Variants in KIF1A observed in about 807,000 individuals in gnomAD.
KIF1A encodes kinesin-like protein KIF1A.
A neutral mutation model predicts 227.3 loss-of-function variants in KIF1A; 46 were observed. The observed-to-expected ratio is 0.20, with a 90% CI of 0.16 to 0.26. The LOEUF is 0.26. Ranked by LOEUF, KIF1A falls within the 10% of genes least tolerant of loss-of-function variation. The probability of loss-of-function intolerance (pLI) is 1.00; values close to 1 mark genes in which losing one functional copy is unlikely to be tolerated. For synonymous variants in KIF1A, 1,022 were observed against 1,012.8 expected, an observed-to-expected ratio of 1.01 and a Z score of -0.17; for missense variants, 1,683 against 2,485.9, an observed-to-expected ratio of 0.68 and a Z score of 6.87.
rs201423643 is a variant in KIF1A, at chr2:240,737,128, G to A, written c.3942C>T (p.Ile1314=). The A allele has an allele frequency of 1.8e-5, 29 of 1,613,742 alleles. No individual in the cohort carries two copies. Among genetic ancestry groups the A allele is most frequent in the Middle Eastern group, 1.7e-4 (1 of 6,056 alleles). The change falls in exon 38 of 49, where the codon ATC becomes ATT. Residue 1314 remains isoleucine, a synonymous_variant. Coordinates refer to ENST00000498729, the MANE Select transcript of KIF1A (RefSeq NM_001244008.2). Reference sequence around the variant, plus strand: ...TGTTGAGAGACAAGATGTTGGGGTCGATCAGGGACTCGTCGGTCTCTGGAG... The same window carrying A: ...TGTTGAGAGACAAGATGTTGGGGTCAATCAGGGACTCGTCGGTCTCTGGAG... ...RNTPETDESL[I]DPNILSLNIL... is the part of the protein sequence containing the mutation.
chr2:240,741,655 G>T (rs1003462823), intron 34 of KIF1A, among the ~76,000 whole-genome samples: 1 of 152,230 alleles, frequency 6.6e-6, no homozygotes. Flanking sequence ...CTCATGAGGA[G>T]GACAGTGGTC....
At chr2:240,745,032 C>A (rs372410148) in intron 32 of KIF1A, among the ~76,000 whole-genome samples, 1 of 152,156 alleles carries the variant, frequency 6.6e-6, no homozygotes, top group African/African-American at 2.4e-5. Flanking sequence ...TTTTCCAGAC[C>A]TCTCGGGACG....
chr2:240,782,120 A>G, intron 10 of KIF1A: 1 of 985,290 alleles, frequency 1.0e-6, no homozygotes, highest in Non-Finnish European at 1.2e-6. Flanking sequence ...GCGTCGCCCC[A>G]GGCAGCTTCA....
intron 1 of KIF1A, among the ~76,000 whole-genome samples, chr2:240,815,700 G>A (rs1416915755): frequency 1.3e-5 from 2 of 152,186 alleles, no homozygotes; most frequent in Admixed American, 1.3e-4. Context: ...GGAGAAGTGG[G>A]GGGTAATGGG....
chr2:240,817,362 G>A (rs2058405694), intron 1 of KIF1A, among the ~76,000 whole-genome samples: 1 of 152,164 alleles, frequency 6.6e-6, no homozygotes, highest in Non-Finnish European at 1.5e-5. Flanking sequence ...TATTGTGGGT[G>A]GTGAGCCACA....
chr2:240,764,020 C>T lies in KIF1A; in HGVS notation c.1769-674G>A, dbSNP rs1290540407. ...GCCCCATCTGCAGGGCCCTCCAGGG[C>T]AGCACTCACTGTCTTGGGACAGTCC... On this transcript the variant is annotated intron_variant, in intron 20 of 48. Coordinates refer to ENST00000498729, the MANE Select transcript of KIF1A (RefSeq NM_001244008.2). 2.0e-5 allele frequency among the ~76,000 whole-genome samples: 3 copies of T among 152,218 alleles called. No homozygotes were observed. In the East Asian group the frequency reaches 5.8e-4, roughly 29 times the overall value.
chr2:240,724,128 C>T, intron 40 of KIF1A, 92 bp from the exon 41 acceptor site: 18 of 1,108,874 alleles, frequency 1.6e-5, no homozygotes, highest in South Asian at 8.7e-5. Context: ...CACTATCAAA[C>T]GCACAGTCAG....
Position 240,719,891 on chromosome 2 carries a change from T to C in KIF1A, c.4904A>G (p.Glu1635Gly). ...GTCGGCCTCTGGCAGCAGCTCGGGC[T>C]CTGGGCTGGCTGGCCGGGAGCAGGG... is the stretch of plus-strand genomic sequence containing the variant. ...PQPCSRPASP[E>G]PELLPEADSK... The change falls in exon 46 of 49, where the codon GAG becomes GGG. Residue 1635 changes from glutamate to glycine, a missense_variant. Transcript: ENST00000498729. 6.2e-7 allele frequency: 1 copy of C among 1,611,484 alleles called. No homozygotes were observed. Among genetic ancestry groups the C allele is most frequent in the South Asian group, 1.1e-5 (1 of 90,964 alleles).
intron 1 of KIF1A, among the ~76,000 whole-genome samples, chr2:240,812,943 C>T (rs796582301): frequency 7.3e-3 from 300 of 41,192 alleles, no homozygotes; most frequent in African/African-American, 0.017. Flanking sequence ...CTCGGGGATC[C>T]GCCTTCACCT....
intron 38 of KIF1A, among the ~76,000 whole-genome samples, chr2:240,728,648 C>T (rs1332628027): frequency 6.6e-6 from 1 of 152,238 alleles, no homozygotes; most frequent in South Asian, 2.1e-4. Flanking sequence ...GAGAGCCTTG[C>T]GTCTGTCCTC....
Position 240,778,402 on chromosome 2 carries a change from C to T in KIF1A, c.883-2476G>A, listed in dbSNP as rs976281794. Among the ~76,000 whole-genome samples, 2 of 151,814 alleles carry T rather than the reference C, an allele frequency of 1.3e-5. No homozygotes were observed. Among genetic ancestry groups the T allele is most frequent in the Admixed American group, 6.6e-5 (1 of 15,240 alleles). On this transcript the variant is annotated intron_variant, in intron 10 of 48. Coordinates refer to ENST00000498729, the MANE Select transcript of KIF1A (RefSeq NM_001244008.2). The surrounding 1 kb of genome is among the most constrained non-coding windows in gnomAD (Gnocchi z 7.2). ...ACGGTTCCTCACAGCTCCAGAGAAA[C>T]TTGCCCACATTCCTCCAACATTTCC...
At chr2:240,804,141 C>T (rs1000580918) in intron 1 of KIF1A, among the ~76,000 whole-genome samples, 1 of 152,110 alleles carries the variant, frequency 6.6e-6, no homozygotes, top group African/African-American at 2.4e-5. Context: ...TGGTGGGCAC[C>T]TATAATCCCA....
At chr2:240,771,695 T>A (rs2052017176) in intron 14 of KIF1A, among the ~76,000 whole-genome samples, 1 of 152,080 alleles carries the variant, frequency 6.6e-6, no homozygotes, top group Non-Finnish European at 1.5e-5. Flanking sequence ...ACCCCCGAGC[T>A]GTGGGGCCAG....
intron 38 of KIF1A, among the ~76,000 whole-genome samples, chr2:240,733,813 G>A (rs1226741818): frequency 2.0e-5 from 3 of 152,182 alleles, no homozygotes; most frequent in Non-Finnish European, 2.9e-5. Context: ...CTTCACAAAC[G>A]CCACCCCACA....
intron 14 of KIF1A, 98 bp from the exon 15 acceptor site, chr2:240,771,202 G>A (rs745532573): frequency 3.2e-5 from 46 of 1,457,676 alleles, no homozygotes; most frequent in Middle Eastern, 1.7e-4. Context: ...GGGGTAGGGC[G>A]GGCAGACAGA....
Position 240,722,507 on chromosome 2 carries a change from G to A in KIF1A, c.4614C>T (p.Arg1538=). The change falls in exon 43 of 49, where the codon CGC becomes CGT. Residue 1538 remains arginine (R), a synonymous_variant. Coordinates refer to ENST00000498729, the MANE Select transcript of KIF1A (RefSeq NM_001244008.2). ...CGTTGGGAGCCTCCAGGGGTGATGG[G>A]CGGCCCTCAGCCGAGAGCGGGGAGG... ...SASSPLSAEG[R]PSPLEAPNER... 2 of 1,547,998 alleles carry A rather than the reference G, an allele frequency of 1.3e-6. No homozygotes were observed. Among genetic ancestry groups the A allele is most frequent in the Non-Finnish European group, 1.7e-6 (2 of 1,146,796 alleles).
At chr2:240,770,256 T>C (rs560638264) in intron 15 of KIF1A, among the ~76,000 whole-genome samples, 2 of 152,204 alleles carry the variant, frequency 1.3e-5, no homozygotes, top group African/African-American at 2.4e-5. Flanking sequence ...AGCCATTCAC[T>C]GAGGGGCATG....
intron 47 of KIF1A, 131 bp downstream of exon 47, chr2:240,718,875 C>T (rs900855429): frequency 5.0e-5 from 36 of 718,926 alleles, no homozygotes; most frequent in South Asian, 4.1e-4. Flanking sequence ...GCCCAGCCTC[C>T]GTGGAACAGG....
chr2:240,761,557 C>T (rs2050533810), intron 23 of KIF1A, among the ~76,000 whole-genome samples, 180 bp from the exon 24 acceptor site: 1 of 152,206 alleles, frequency 6.6e-6, no homozygotes, highest in Non-Finnish European at 1.5e-5. Flanking sequence ...TGGAAGGTTA[C>T]TCCCCCTGTG....
Sources: allele counts gnomAD v4.1 joint callset (sites outside exome capture counted in the v4.1 genomes callset), GRCh38; gene constraint gnomAD v4.1.1; non-coding constraint Gnocchi (gnomAD v3.1); transcripts MANE v1.5; gene names NCBI Gene and HGNC (gene_info 2026-07-23, HGNC 2026-07-21).